Variants in RAD21 observed in about 807,000 individuals in gnomAD.
The protein encoded by RAD21 is RAD21 cohesin complex component, also known as double-strand-break repair protein rad21 homolog.
A neutral mutation model predicts 71.5 loss-of-function variants in RAD21; 18 were observed. That is an observed-to-expected ratio of 0.25 (90% CI 0.17 to 0.37). RAD21 has a LOEUF of 0.37. Among genes scored for constraint, RAD21 ranks in the 10% least tolerant of loss-of-function variants. The pLI, the probability that RAD21 is intolerant of heterozygous loss-of-function variation, is 1.00. For synonymous variants in RAD21, 248 were observed against 254.0 expected (o/e 0.98, Z 0.22); for missense variants, 493 against 769.1 (o/e 0.64, Z 4.25).
intron 1 of RAD21, among the ~76,000 whole-genome samples, chr8:116,868,809 A>T (rs545470954): frequency 3.5e-5 from 5 of 144,784 alleles, no homozygotes; most frequent in African/African-American, 1.3e-4. Context: ...AGTTCAACTA[A>T]TTTTTTTTTT....
At position 116,850,663 on chromosome 8, in the gene RAD21, T is replaced by C; in HGVS notation, c.1575A>G (p.Lys525=). Residue 525 remains lysine, a synonymous_variant, in exon 12 of 14, where the codon AAA becomes AAG. Coordinates refer to ENST00000297338, the MANE Select transcript of RAD21 (RefSeq NM_006265.3). ...CTTTTTCCTTCTCTTTCTCCTTCTC[T>C]TTTTCTGGCAGAAGTTCTAACTCTG... ...LIPELELLPE[K]EKEKEKEKED... The C allele has an allele frequency of 1.9e-6, 3 of 1,611,742 alleles. No homozygotes were observed. The highest frequency in any genetic ancestry group is 2.2e-5 in the South Asian group (2 of 90,986).
In RAD21 at chr8:116,856,282, C is replaced by T. The variant is rs2130466771; in HGVS notation, c.821G>A (p.Gly274Glu). 1 of 1,474,612 alleles carries T rather than the reference C, an allele frequency of 6.8e-7. No individual in the cohort carries two copies. Among genetic ancestry groups the T allele is most frequent in the Non-Finnish European group, 8.9e-7 (1 of 1,122,570 alleles). 91.3% of individuals were successfully genotyped at this position (1,474,612 alleles called of 1,614,324 possible). ...MDEDDNVSMGGPDSPDSVDPV... is the reference protein window; with the variant it reads ...MDEDDNVSMGEPDSPDSVDPV... ...ATCCACTGAATCAGGACTATCAGGC[C>T]CACCCACTGTAAAAAAAAAAAAAAA... is the stretch of plus-strand genomic sequence containing the variant. The change falls in exon 8 of 14, where the codon GGG becomes GAG. Residue 274 changes from glycine to glutamate, a missense_variant. Around this residue, in one of 5 missense-constraint regions of RAD21, gnomAD observed 165 missense variants for 229.6 expected, o/e 0.72. Transcript: ENST00000297338.
At chr8:116,863,579 G>A (rs1437723822) in intron 2 of RAD21, among the ~76,000 whole-genome samples, 1 of 152,102 alleles carries the variant, frequency 6.6e-6, no homozygotes, top group Non-Finnish European at 1.5e-5. Context: ...TTTTGTTTGA[G>A]AAGCAAATGT....
In RAD21 at chr8:116,856,292, TAAAAA is replaced by T. The variant is rs35902828; in HGVS notation, c.815-9_815-5del. 1.1e-3 allele frequency: 1,248 copies of T among 1,171,168 alleles called. No individual in the cohort carries two copies. Among genetic ancestry groups the T allele is most frequent in the Admixed American group, 2.5e-3 (53 of 20,912 alleles). The allele number at this position is 1,171,168 out of a possible 1,614,324, so 72.5% of individuals were successfully genotyped here. A position where few individuals can be genotyped will look rare whatever the true frequency, so the allele number is the denominator to read the frequency against. On this transcript the variant is annotated splice_polypyrimidine_tract_variant and splice_region_variant and intron_variant, in intron 7 of 13. Transcript: ENST00000297338. ...TCAGGACTATCAGGCCCACCCACTGTAAAAAAAAAAAAAAAAAAAAAAAGTCACAA... is the reference window on the plus strand; with the variant it reads ...TCAGGACTATCAGGCCCACCCACTGTAAAAAAAAAAAAAAAAAAGTCACAA...
At chr8:116,849,155 C>T (rs1586261773) in intron 12 of RAD21, 126 bp from the exon 13 acceptor site, 5 of 594,922 alleles carry the variant, frequency 8.4e-6, no homozygotes, top group African/African-American at 1.9e-5. Context: ...GAAAACTGTA[C>T]TTAATGCTGC....
chr8:116,852,575 T>C lies in RAD21; in HGVS notation c.1295A>G (p.Gln432Arg). Residue 432 changes from glutamine to arginine, a missense_variant, in exon 10 of 14, where the codon CAG (glutamine) becomes CGG (arginine). Around this residue, in one of 5 missense-constraint regions of RAD21, gnomAD observed 225 missense variants for 218.3 expected, o/e 1.03. Transcript: ENST00000297338. ...NPEVPREDQQ[Q>R]QHQQRDVIDE... ...GATAACATCACGCTGCTGATGCTGC[T>C]GTTGCTGGTCCTCTCTAGGAACCTC... 1 of 1,613,020 alleles carries C rather than the reference T, an allele frequency of 6.2e-7. No homozygotes were observed.
intron 8 of RAD21, among the ~76,000 whole-genome samples, chr8:116,855,113 CA>C (rs1812434757): frequency 6.6e-6 from 1 of 151,936 alleles, no homozygotes; most frequent in Non-Finnish European, 1.5e-5. Flanking sequence ...AGACATACCC[CA>C]AAGGTTTTTG....
chr8:116,859,380 T>C (rs1361377012), intron 4 of RAD21, among the ~76,000 whole-genome samples: 2 of 152,064 alleles, frequency 1.3e-5, no homozygotes, highest in Non-Finnish European at 2.9e-5. Context: ...TGATCTTGAT[T>C]AGTGATCTTT....
At chr8:116,853,456 T>C (rs1472667718) in intron 9 of RAD21, among the ~76,000 whole-genome samples, 2 of 152,230 alleles carry the variant, frequency 1.3e-5, no homozygotes, top group East Asian at 1.9e-4. Context: ...CAGGCTTCTC[T>C]CTTTTTAAAC....
intron 1 of RAD21, among the ~76,000 whole-genome samples, chr8:116,873,193 TAAAAGCGTTTCTTAGA>T (rs1468200841): frequency 2.6e-5 from 4 of 152,228 alleles, no homozygotes; most frequent in African/African-American, 9.6e-5. Flanking sequence ...TACCAAACTG[TAAAAGCGTTTCTTAGA>T]ATTTGTATGT....
At chr8:116,848,786 C>G in intron 13 of RAD21, 160 bp downstream of exon 13, 1 of 447,326 alleles carries the variant, frequency 2.2e-6, no homozygotes, top group Non-Finnish European at 3.8e-6. Context: ...AAAGAAAACT[C>G]TCCCTCCAGA....
At chr8:116,851,840 C>T in intron 11 of RAD21, 108 bp downstream of exon 11, 3 of 1,224,724 alleles carry the variant, frequency 2.4e-6, no homozygotes, top group Non-Finnish European at 3.4e-6. Context: ...TCATTCCTTA[C>T]CATTTTCTGT....
At position 116,847,064 on chromosome 8, in the gene RAD21, G is replaced by T. The variant is rs184537026; in HGVS notation, c.*436C>A. 373 of 227,216 alleles carry T rather than the reference G, an allele frequency of 1.6e-3. 1 individual carries two copies. The highest frequency in any genetic ancestry group is 7.9e-3 in the African/African-American group (358 of 45,046). 14.1% of individuals were successfully genotyped at this position (227,216 alleles called of 1,614,324 possible). ...TTGCCAGTGTTACTGATGGAAAGAA[G>T]TGTTTGTTTGTTTTTTTTTCTTGTC... On this transcript the variant is annotated 3_prime_UTR_variant, in exon 14 of 14. Coordinates refer to ENST00000297338, the MANE Select transcript of RAD21 (RefSeq NM_006265.3).
At position 116,850,854 on chromosome 8, in the gene RAD21, TTC is replaced by T; in HGVS notation, c.1471-89_1471-88del. On this transcript the variant is annotated intron_variant, in intron 11 of 13. Coordinates refer to ENST00000297338, the MANE Select transcript of RAD21 (RefSeq NM_006265.3). The stretch of plus-strand genomic sequence containing the variant: ...ATGAAAATACACAGTGGCTGAAGTT[TTC>T]TAGTCAAAAAGAAATACTGAGATTA... 3.3e-6 allele frequency: 3 copies of T among 922,088 alleles called. No homozygotes were observed. The East Asian group carries it at 7.6e-5, about 23-fold the overall frequency. 57.1% of individuals were successfully genotyped at this position (922,088 alleles called of 1,614,324 possible).
chr8:116,862,598 T>C (rs1045131710), intron 3 of RAD21, among the ~76,000 whole-genome samples: 1 of 152,074 alleles, frequency 6.6e-6, no homozygotes, highest in Admixed American at 6.6e-5. Context: ...AGAATAAAAA[T>C]TTCATCAATG....
rs1467271980 is a variant in RAD21 at position 116,868,921 on chromosome 8, C to T, written c.-32-2160G>A. On this transcript the variant is annotated intron_variant, in intron 1 of 13. Coordinates refer to ENST00000297338, the MANE Select transcript of RAD21 (RefSeq NM_006265.3). ...CGATCTGAAGACCAGAAAACATGCACGCACGCACGCACACACCCCCCACAA... is the reference window on the plus strand; with the variant it reads ...CGATCTGAAGACCAGAAAACATGCATGCACGCACGCACACACCCCCCACAA... Among the ~76,000 whole-genome samples, 6 of 93,888 alleles carry T rather than the reference C, an allele frequency of 6.4e-5. No homozygotes were observed. In the East Asian group the frequency reaches 1.4e-3, roughly 21 times the overall value. The allele number at this position is 93,888 out of a possible 152,430, so 61.6% of individuals were successfully genotyped here.
intron 1 of RAD21, among the ~76,000 whole-genome samples, chr8:116,870,351 A>G (rs1359398568): frequency 1.3e-5 from 2 of 152,048 alleles, no homozygotes; most frequent in Non-Finnish European, 2.9e-5. Context: ...ATATAGCAAG[A>G]CCCCGTGTTT....
At chr8:116,850,154 C>T (rs894019607) in intron 12 of RAD21, among the ~76,000 whole-genome samples, 4 of 152,148 alleles carry the variant, frequency 2.6e-5, no homozygotes, top group African/African-American at 9.7e-5. Context: ...TTCACTCAGT[C>T]TAAGTGTTTT....
rs555463518 is a variant in RAD21, at chr8:116,861,816, AT to A, written c.374+24del. 1,723 of 1,560,604 alleles carry A rather than the reference AT, an allele frequency of 1.1e-3. 18 individuals are homozygous for A. In the African/African-American group the frequency reaches 0.02, roughly 18 times the overall value. ...CTGCTTATTGCAGACCAAGTCAACA[AT>A]TTTTTTTAAAAGAAGACACATACTC... On this transcript the variant is annotated intron_variant, in intron 4 of 13. Transcript: ENST00000297338.
Sources: allele counts gnomAD v4.1 joint callset (sites outside exome capture counted in the v4.1 genomes callset), GRCh38; gene constraint gnomAD v4.1.1; regional missense constraint gnomAD v4.1.1; transcripts MANE v1.5; gene names NCBI Gene and HGNC (gene_info 2026-07-23, HGNC 2026-07-21).